The following ROBO2 variants were observed in gnomAD, a reference collection of about 807,000 sequenced individuals.
ROBO2 encodes the protein roundabout guidance receptor 2.
ROBO2 carries 53 observed loss-of-function variants against 160.8 expected under a neutral mutation model. The ratio of observed to expected loss-of-function variants is 0.33; its 90% CI spans 0.26 to 0.41. The LOEUF (loss-of-function observed/expected upper bound fraction) is 0.41, where lower values mean the gene tolerates loss of function less well. Among genes scored for constraint, ROBO2 ranks in the 10% least tolerant of loss-of-function variants. The pLI, the probability that ROBO2 is intolerant of heterozygous loss-of-function variation, is 1.00. For missense variants in ROBO2, 1,577 were observed against 1,722.4 expected (o/e 0.92, Z 1.49); for synonymous variants, 664 against 611.7 (o/e 1.09, Z -1.26).
chr3:77,068,563 G>A (rs962814270), intron 1 of ROBO2, among the ~76,000 whole-genome samples: 2 of 151,846 alleles, frequency 1.3e-5, no homozygotes, highest in Non-Finnish European at 2.9e-5. Context: ...TGTTAGTCAC[G>A]TAACAGGCAA....
chr3:76,366,637 G>T (rs1243631531), intron 2 of ROBO2, among the ~76,000 whole-genome samples: 2 of 151,956 alleles, frequency 1.3e-5, no homozygotes, highest in African/African-American at 4.8e-5. Context: ...TTTATAGTAT[G>T]TAATCCTTTG....
chr3:77,212,653 A>G (rs28799884), intron 2 of ROBO2, among the ~76,000 whole-genome samples: 15,473 of 152,156 alleles, frequency 0.1, 1,037 homozygotes, highest in Middle Eastern at 0.16. Flanking sequence ...GTCTTGTGCC[A>G]GTTTTCAAAG....
chr3:76,836,475 G>A (rs909603375), intron 2 of ROBO2, among the ~76,000 whole-genome samples: 3 of 148,142 alleles, frequency 2.0e-5, no homozygotes, highest in African/African-American at 7.5e-5. Flanking sequence ...AAAAGACTTT[G>A]GGGGGGCAGG....
intron 18 of ROBO2, 103 bp from the exon 20 acceptor site, chr3:77,596,520 C>A: frequency 2.2e-6 from 3 of 1,394,276 alleles, no homozygotes; most frequent in South Asian, 1.2e-5. Context: ...AATTTGAAGT[C>A]AATGAAAATC....
At chr3:77,595,173 G>A (rs2094272322) in exon 18 of ROBO2, 2 of 1,611,378 alleles carry the variant, frequency 1.2e-6, no homozygotes, top group East Asian at 2.2e-5. Context: ...GAGGACTAAT[G>A]AGCAATGGAA....
intron 2 of ROBO2, among the ~76,000 whole-genome samples, chr3:76,604,816 G>A (rs992072771): frequency 6.6e-6 from 1 of 152,168 alleles, no homozygotes; most frequent in Non-Finnish European, 1.5e-5. Context: ...TCACCTGCTT[G>A]CTGAGAAGGT....
intron 1 of ROBO2, among the ~76,000 whole-genome samples, chr3:77,077,387 G>T (rs1457366908): frequency 1.3e-5 from 2 of 152,170 alleles, no homozygotes; most frequent in Non-Finnish European, 2.9e-5. Flanking sequence ...TGTGCTGGAC[G>T]TCAGAAATAA....
chr3:76,932,067 A>T (rs1200200923), intron 2 of ROBO2, among the ~76,000 whole-genome samples: 1 of 152,170 alleles, frequency 6.6e-6, no homozygotes. Context: ...GGCTGTAATG[A>T]TTCTAAATAT....
At chr3:77,176,767 T>G (rs1560168911) in intron 2 of ROBO2, among the ~76,000 whole-genome samples, 1 of 152,046 alleles carries the variant, frequency 6.6e-6, no homozygotes. Flanking sequence ...ATCACTGGTT[T>G]GCTTGCTAGA....
At chr3:76,054,044 C>T (rs541160987) in intron 2 of ROBO2, among the ~76,000 whole-genome samples, 4 of 152,138 alleles carry the variant, frequency 2.6e-5, no homozygotes, top group Non-Finnish European at 5.9e-5. Context: ...CATTAACAAA[C>T]ATGTCTGATA....
intron 2 of ROBO2, among the ~76,000 whole-genome samples, chr3:77,334,476 C>A (rs921846103): frequency 6.6e-6 from 1 of 152,128 alleles, no homozygotes; most frequent in South Asian, 2.1e-4. Flanking sequence ...TTGTTTGTTT[C>A]GGCCTAGTTC....
intron 1 of ROBO2, among the ~76,000 whole-genome samples, chr3:77,084,291 A>G (rs561469651): frequency 1.3e-5 from 2 of 152,198 alleles, no homozygotes; most frequent in South Asian, 4.2e-4. Context: ...GGCAAACATC[A>G]TTAAACTCTT....
intron 10 of ROBO2, 23 bp downstream of exon 11, chr3:77,562,755 G>T: frequency 6.5e-7 from 1 of 1,547,656 alleles, no homozygotes; most frequent in Non-Finnish European, 8.9e-7. Flanking sequence ...TGAATTAGGA[G>T]AAATCTTGGG....
chr3:76,343,023 G>A lies in ROBO2; in HGVS notation c.109+405421G>A, dbSNP rs559194439. ...AGTTGTGATTCAAATTTTATTGAATGGTAATCAAATGTTCCAAAGACAAGA... is the reference window on the plus strand; with the variant it reads ...AGTTGTGATTCAAATTTTATTGAATAGTAATCAAATGTTCCAAAGACAAGA... On this transcript the variant is annotated intron_variant, in intron 2 of 26. Transcript: ENST00000487694. 3.3e-5 allele frequency among the ~76,000 whole-genome samples: 5 copies of A among 151,714 alleles called. No homozygotes were observed. The South Asian group carries it at 1.0e-3, about 32-fold the overall frequency.
intron 2 of ROBO2, among the ~76,000 whole-genome samples, chr3:77,414,293 A>T (rs1173330479): frequency 1.3e-5 from 2 of 152,178 alleles, no homozygotes; most frequent in Non-Finnish European, 2.9e-5. Flanking sequence ...TATAAAAGCA[A>T]TTTTCCTGGA....
At chr3:77,134,725 A>G (rs2076137297) in intron 2 of ROBO2, among the ~76,000 whole-genome samples, 2 of 152,224 alleles carry the variant, frequency 1.3e-5, no homozygotes, top group Non-Finnish European at 2.9e-5. Context: ...TCATAAGATA[A>G]TAATTTAATA....
chr3:76,971,138 G>T (rs754365556), intron 2 of ROBO2, among the ~76,000 whole-genome samples: 1 of 151,916 alleles, frequency 6.6e-6, no homozygotes. Context: ...AATAAACTAC[G>T]CTAGAAAAAT....
intron 5 of ROBO2, among the ~76,000 whole-genome samples, chr3:77,514,628 T>G (rs1280901474): frequency 6.6e-5 from 10 of 151,852 alleles, no homozygotes; most frequent in African/African-American, 2.4e-4. Context: ...TTTACTGCTG[T>G]GCAATTATAT....
chr3:76,735,859 G>A (rs2093702333), intron 2 of ROBO2, among the ~76,000 whole-genome samples: 1 of 151,260 alleles, frequency 6.6e-6, no homozygotes, highest in Non-Finnish European at 1.5e-5. Flanking sequence ...CTTGGTTACA[G>A]GAGCTGTACC....
Sources: allele counts gnomAD v4.1 joint callset (sites outside exome capture counted in the v4.1 genomes callset), GRCh38; gene constraint gnomAD v4.1.1; transcripts MANE v1.5; gene names NCBI Gene and HGNC (gene_info 2026-07-23, HGNC 2026-07-21).